Variants in SPATA1 observed in about 807,000 individuals in gnomAD.
SPATA1 encodes the protein spermatogenesis-associated protein 1.
A neutral mutation model predicts 59.6 loss-of-function variants in SPATA1; 57 were observed. The ratio of observed to expected loss-of-function variants is 0.96; its 90% CI spans 0.77 to 1.19. SPATA1 has a LOEUF of 1.19. Among genes scored for constraint, SPATA1 ranks in the 50% most tolerant of loss-of-function variants. SPATA1 has a pLI of 0.00. For synonymous variants in SPATA1, 147 were observed against 163.9 expected (o/e 0.90, Z 0.79); for missense variants, 448 against 480.7 (o/e 0.93, Z 0.64).
At chr1:84,537,836 G>A (rs1683759983) in intron 8 of SPATA1, among the ~76,000 whole-genome samples, 1 of 152,314 alleles carries the variant, frequency 6.6e-6, no homozygotes, top group South Asian at 2.1e-4. Flanking sequence ...CTGGTGTGCT[G>A]AATGGCTTTG....
chr1:84,520,799 C>A, intron 3 of SPATA1, 108 bp downstream of exon 3: 1 of 736,574 alleles, frequency 1.4e-6, no homozygotes, highest in Non-Finnish European at 2.2e-6. Context: ...AATATTTTGT[C>A]CACGTGATAG....
intron 4 of SPATA1, among the ~76,000 whole-genome samples, chr1:84,560,881 A>T (rs755139625): frequency 7.9e-5 from 12 of 152,224 alleles, no homozygotes; most frequent in Non-Finnish European, 1.6e-4. Context: ...TACTAAGAAA[A>T]AAAAGAGATT....
chr1:84,555,421 C>CA (rs1684399006), downstream of SPATA1, among the ~76,000 whole-genome samples: 1 of 152,144 alleles, frequency 6.6e-6, no homozygotes, highest in African/African-American at 2.4e-5. Context: ...CCCTGACTTA[C>CA]AATGGTTCAA....
At chr1:84,555,065 A>C (rs1684388173), downstream of SPATA1, 1 of 1,614,042 alleles carries the variant, frequency 6.2e-7, no homozygotes, top group Admixed American at 1.7e-5. Flanking sequence ...TGGCTACAGC[A>C]TCTCCAGAGT....
chr1:84,522,433 G>T, exon 4 of SPATA1: 1 of 1,528,306 alleles, frequency 6.5e-7, no homozygotes. Context: ...GGAGCGTCTT[G>T]GTGAGTTCCT....
chr1:84,519,055 G>A (rs1024244960), intron 2 of SPATA1, among the ~76,000 whole-genome samples: 1 of 151,844 alleles, frequency 6.6e-6, no homozygotes, highest in South Asian at 2.1e-4. Flanking sequence ...AGGCAAATGA[G>A]GTACTTGCCA....
intron 8 of SPATA1, among the ~76,000 whole-genome samples, chr1:84,536,360 T>C (rs1683680432): frequency 6.6e-6 from 1 of 152,216 alleles, no homozygotes; most frequent in South Asian, 2.1e-4. Flanking sequence ...TGAGTAAATT[T>C]AGAATGCCAA....
At chr1:84,567,200 G>A (rs941545187), downstream of SPATA1, among the ~76,000 whole-genome samples, 7 of 151,944 alleles carry the variant, frequency 4.6e-5, no homozygotes, top group African/African-American at 1.5e-4. Context: ...TTATAATTCC[G>A]TGAATATTAG....
intron 3 of SPATA1, among the ~76,000 whole-genome samples, chr1:84,521,881 A>C (rs1683041185): frequency 6.6e-6 from 1 of 152,128 alleles, no homozygotes; most frequent in Admixed American, 6.5e-5. Flanking sequence ...AAAAACAAGA[A>C]CTCAGATGAT....
At chr1:84,546,543 G>A (rs1448632606) in intron 10 of SPATA1, among the ~76,000 whole-genome samples, 2 of 151,574 alleles carry the variant, frequency 1.3e-5, no homozygotes, top group African/African-American at 4.8e-5. Flanking sequence ...AAGGGAGAAC[G>A]CCTAAATTAG....
chr1:84,537,499 C>T (rs1377618262), intron 8 of SPATA1, among the ~76,000 whole-genome samples: 3 of 152,158 alleles, frequency 2.0e-5, no homozygotes, highest in Non-Finnish European at 4.4e-5. Flanking sequence ...TATTAAATTA[C>T]GAGACCTTAG....
chr1:84,522,778 TAAATGA>T (rs1191577007), intron 4 of SPATA1, among the ~76,000 whole-genome samples: 1 of 152,224 alleles, frequency 6.6e-6, no homozygotes, highest in Non-Finnish European at 1.5e-5. Context: ...TTCTTGAATT[TAAATGA>T]AAGTTTTTAA....
At position 84,560,093 on chromosome 1, in the gene SPATA1, AAAAAAAAGAAAG is replaced by A. The variant is rs1336216897; in HGVS notation, n.442+4118_442+4129del. The stretch of plus-strand genomic sequence containing the variant: ...AGCAAGACTCTGTCTCAAAAAAAAA[AAAAAAAAGAAAG>A]AAAGAAAGAAAGAAAGAAAGAAAGA... On this transcript the variant is annotated intron_variant and non_coding_transcript_variant, in intron 4 of 4. Coordinates refer to the SPATA1 transcript ENST00000460286. 1.9e-3 allele frequency among the ~76,000 whole-genome samples: 251 copies of A among 131,120 alleles called. 1 individual carries two copies. Among genetic ancestry groups the A allele is most frequent in the African/African-American group, 5.6e-3 (175 of 31,038 alleles). The allele number at this position is 131,120 out of a possible 152,430, so 86.0% of individuals were successfully genotyped here. A position where few individuals can be genotyped will look rare whatever the true frequency, so the allele number is the denominator to read the frequency against.
Position 84,540,399 on chromosome 1 carries a change from T to G in SPATA1, c.718-3803T>G, listed in dbSNP as rs78841444. ...TATTTTCGGCCCCTCTTTTTTCCTT[T>G]TTTAAAAATTTGTCCTTCTGCTTTT... On this transcript the variant is annotated intron_variant, in intron 8 of 12. Transcript: ENST00000490879. Among the ~76,000 whole-genome samples, 1,239 of 152,258 alleles carry G rather than the reference T, an allele frequency of 8.1e-3. 57 individuals carry two copies. The East Asian group carries it at 0.13, about 16-fold the overall frequency.
rs1684247350 is a variant in SPATA1 at position 84,550,787 on chromosome 1, C to T, written c.1224+257C>T. ...CTAGGAAGAATTAAAGGAAAAGGAA[C>T]CTGTGAGTCAATATATTCTCAAAAA... On this transcript the variant is annotated intron_variant, in intron 12 of 12. Coordinates refer to ENST00000490879, the Ensembl canonical transcript of SPATA1. The T allele has an allele frequency of 2.9e-6, 3 of 1,040,768 alleles. No homozygotes were observed. In the South Asian group the frequency reaches 1.4e-4, roughly 47 times the overall value. The allele number at this position is 1,040,768 out of a possible 1,614,324, so 64.5% of individuals were successfully genotyped here. A position where few individuals can be genotyped will look rare whatever the true frequency, so the allele number is the denominator to read the frequency against.
chr1:84,518,324 A>T (rs976613976), intron 2 of SPATA1, among the ~76,000 whole-genome samples: 2 of 152,132 alleles, frequency 1.3e-5, no homozygotes, highest in Admixed American at 1.3e-4. Flanking sequence ...ATTAATTGAC[A>T]TTAAGGAATT....
chr1:84,552,168 T>C (rs1161974604), intron 12 of SPATA1: 2 of 152,186 alleles, frequency 1.3e-5, no homozygotes, highest in Non-Finnish European at 2.9e-5. Context: ...CAGCACTACC[T>C]ATAAGATTCA....
At chr1:84,554,499 T>C (rs899181767) in exon 13 of SPATA1, 10 of 153,784 alleles carry the variant, frequency 6.5e-5, no homozygotes, top group African/African-American at 2.4e-4. Flanking sequence ...AAAATTATTT[T>C]CATCAGTTTG....
At chr1:84,538,630 TTGGA>T (rs1407335768) in intron 8 of SPATA1, among the ~76,000 whole-genome samples, 5 of 152,160 alleles carry the variant, frequency 3.3e-5, no homozygotes, top group Admixed American at 3.3e-4. Context: ...TGGACCTTTT[TTGGA>T]ATTTGTAGAG....
Sources: gnomAD v4.1 joint callset for allele counts (sites outside exome capture counted in the v4.1 genomes callset) on GRCh38, gnomAD v4.1.1 for gene constraint, MANE v1.5 for transcripts, NCBI Gene and HGNC (gene_info 2026-07-23, HGNC 2026-07-21) for gene names.